The following RSPH3 variants were observed in gnomAD, a reference collection of about 807,000 sequenced individuals.
RSPH3 encodes the protein radial spoke head protein 3 homolog.
In RSPH3, 21 loss-of-function variants were observed where a neutral mutation model predicts 43.8. The observed-to-expected ratio is 0.48, with a 90% CI of 0.34 to 0.69. The LOEUF is 0.69. Ranked by LOEUF, RSPH3 falls within the 30% of genes least tolerant of loss-of-function variation. The pLI, the probability that RSPH3 is intolerant of heterozygous loss-of-function variation, is 0.01. For synonymous variants in RSPH3, 173 were observed against 179.8 expected, an observed-to-expected ratio of 0.96 and a Z score of 0.30; for missense variants, 487 against 516.0, an observed-to-expected ratio of 0.94 and a Z score of 0.54.
In RSPH3 at chr6:158,984,429, G is replaced by T. The variant is rs1026693203; in HGVS notation, c.347-622C>A. Among the ~76,000 whole-genome samples, 37 of 67,402 alleles carry T rather than the reference G, an allele frequency of 5.5e-4. 3 individuals are homozygous for T. Among genetic ancestry groups the T allele is most frequent in the African/African-American group, 3.0e-3 (37 of 12,272 alleles). 44.2% of individuals were successfully genotyped at this position (67,402 alleles called of 152,430 possible). A position where few individuals can be genotyped will look rare whatever the true frequency, so the allele number is the denominator to read the frequency against. ...TGCAGAGTACAACAGTGGATAAAAA[G>T]TCAATTATATATATATATATATATA... On this transcript the variant is annotated intron_variant, in intron 3 of 7. Transcript: ENST00000367069.
Position 158,973,833 on chromosome 6 carries a change from C to CT in RSPH3, c.*3704dup, listed in dbSNP as rs535516098. The CT allele has an allele frequency of 2.1e-3, 298 of 144,212 alleles. No individual in the cohort carries two copies. The highest frequency in any genetic ancestry group is 1.5e-3 in the Non-Finnish European group (101 of 65,376). 8.9% of individuals were successfully genotyped at this position (144,212 alleles called of 1,614,324 possible). On this transcript the variant is annotated 3_prime_UTR_variant, in exon 8 of 8. Coordinates refer to ENST00000367069, the MANE Select transcript of RSPH3 (RefSeq NM_031924.8). ...TAAGAATGACAATTTCTTTTTCTTT[C>CT]TTTTTTTTTTTTTTGAGACGGAGTC...
intron 2 of RSPH3, among the ~76,000 whole-genome samples, chr6:158,987,678 G>A (rs974959939): frequency 2.0e-5 from 3 of 152,092 alleles, no homozygotes; most frequent in African/African-American, 7.2e-5. Context: ...GATATAACAA[G>A]TTGTTTGCAG....
Position 158,999,798 on chromosome 6 carries a change from A to G in RSPH3, c.-248T>C, listed in dbSNP as rs1778795679. 3 of 1,612,552 alleles carry G rather than the reference A, an allele frequency of 1.9e-6. No individual in the cohort carries two copies. The highest frequency in any genetic ancestry group is 1.1e-5 in the South Asian group (1 of 90,954). On this transcript the variant is annotated 5_prime_UTR_variant, in exon 1 of 8. Coordinates refer to ENST00000367069, the MANE Select transcript of RSPH3 (RefSeq NM_031924.8). ...GGCCGCATCGGTTGCCCAGCAACCC[A>G]GGGTTCTGTCTGGGGGCGGGAACTC...
chr6:158,984,290 G>A (rs944300249), intron 3 of RSPH3, among the ~76,000 whole-genome samples: 2 of 151,276 alleles, frequency 1.3e-5, no homozygotes, highest in African/African-American at 4.9e-5. Flanking sequence ...TTAAATATTT[G>A]GAAGACCATA....
chr6:158,989,906 G>T lies in RSPH3; in HGVS notation c.205-3485C>A, dbSNP rs1367627488. 2.0e-5 allele frequency among the ~76,000 whole-genome samples: 3 copies of T among 152,306 alleles called. No individual in the cohort carries two copies. Among genetic ancestry groups the T allele is most frequent in the African/African-American group, 7.2e-5 (3 of 41,566 alleles). On this transcript the variant is annotated intron_variant, in intron 2 of 7. Coordinates refer to ENST00000367069, the MANE Select transcript of RSPH3 (RefSeq NM_031924.8). This position sits in a 1 kb window ranked among gnomAD's most constrained non-coding sequence, Gnocchi z 4.3. The stretch of plus-strand genomic sequence containing the variant: ...AAGAGACTATCATCTGAGTCAGTAG[G>T]CTGGGAAAGGCAGACCCACCCTTAA...
chr6:158,971,248 A>G (rs1777691384), downstream of RSPH3, among the ~76,000 whole-genome samples: 1 of 152,184 alleles, frequency 6.6e-6, no homozygotes, highest in Admixed American at 6.5e-5. Flanking sequence ...TCAAGTTAAA[A>G]TGCCATGAAG....
rs80030573 is a variant in RSPH3 at position 158,996,915 on chromosome 6, G to T, written c.116+2520C>A. 6.1e-4 allele frequency among the ~76,000 whole-genome samples: 93 copies of T among 152,246 alleles called. No homozygotes were observed. In the East Asian group the frequency reaches 0.015, roughly 25 times the overall value. ...GTGGGAGGTGTTTGGAACATGGGTG[G>T]ATCCCTCATGAATGGCTTGGCACCA... On this transcript the variant is annotated intron_variant, in intron 1 of 7. Coordinates refer to ENST00000367069, the MANE Select transcript of RSPH3 (RefSeq NM_031924.8).
At chr6:158,994,215 C>T (rs1365542348) in intron 1 of RSPH3, among the ~76,000 whole-genome samples, 2 of 152,138 alleles carry the variant, frequency 1.3e-5, no homozygotes, top group African/African-American at 2.4e-5. Flanking sequence ...TGCCAAAGGT[C>T]ACCTTGCTAG....
chr6:158,977,367 G>T lies in RSPH3; in HGVS notation c.*171C>A. 1.7e-6 allele frequency: 1 copy of T among 575,402 alleles called. No homozygotes were observed. Among genetic ancestry groups the T allele is most frequent in the Non-Finnish European group, 3.0e-6 (1 of 330,410 alleles). The allele number at this position is 575,402 out of a possible 1,614,324, so 35.6% of individuals were successfully genotyped here. A position where few individuals can be genotyped will look rare whatever the true frequency, so the allele number is the denominator to read the frequency against. ...TATTAAATAAATGAATTCAATTTAA[G>T]TTTCATTCTCAAATTAATTTTATCA... On this transcript the variant is annotated 3_prime_UTR_variant, in exon 8 of 8. Coordinates refer to ENST00000367069, the MANE Select transcript of RSPH3 (RefSeq NM_031924.8).
intron 2 of RSPH3, among the ~76,000 whole-genome samples, chr6:158,991,149 T>A (rs2128609494): frequency 6.6e-6 from 1 of 152,294 alleles, no homozygotes; most frequent in Middle Eastern, 3.4e-3. Context: ...ATTGAAACAT[T>A]TTTGATTGTT....
rs971407381 is a variant in RSPH3 at position 158,975,420 on chromosome 6, A to G, written c.*2118T>C. On this transcript the variant is annotated 3_prime_UTR_variant, in exon 8 of 8. Coordinates refer to ENST00000367069, the MANE Select transcript of RSPH3 (RefSeq NM_031924.8). ...AAGTTATTAGAAGAAAGTATACCAG[A>G]TTAGAAGTAAGGAGATTTGGATTCC... 6.6e-6 allele frequency: 1 copy of G among 152,198 alleles called. No homozygotes were observed. Among genetic ancestry groups the G allele is most frequent in the South Asian group, 2.1e-4 (1 of 4,832 alleles). 9.4% of individuals were successfully genotyped at this position (152,198 alleles called of 1,614,324 possible). A position where few individuals can be genotyped will look rare whatever the true frequency, so the allele number is the denominator to read the frequency against.
At chr6:158,984,744 A>C (rs1465208640) in intron 3 of RSPH3, among the ~76,000 whole-genome samples, 2 of 152,050 alleles carry the variant, frequency 1.3e-5, no homozygotes, top group East Asian at 3.9e-4. Context: ...CATTTGGAAA[A>C]TGGGCTATAA....
At chr6:158,980,239 C>T (rs1777986250) in intron 6 of RSPH3, among the ~76,000 whole-genome samples, 1 of 152,160 alleles carries the variant, frequency 6.6e-6, no homozygotes, top group African/African-American at 2.4e-5. Context: ...CCAGCCTGGC[C>T]AACATGGCGA....
At chr6:158,988,907 G>A (rs927095488) in intron 2 of RSPH3, among the ~76,000 whole-genome samples, 3 of 151,990 alleles carry the variant, frequency 2.0e-5, no homozygotes, top group African/African-American at 7.3e-5. Flanking sequence ...TCCTTGCTTT[G>A]TCCCTTTAAG....
chr6:158,977,820 C>T lies in RSPH3; in HGVS notation c.975G>A (p.Arg325=), dbSNP rs766972694. The part of the protein sequence containing the change: ...DMLIREVVEK[R]LCMYEHGEDT... ...CTTCCCCATGCTCATACATACACAGCCTCTTTTCAACCACCTCACGGATCA... is the reference window on the plus strand; with the variant it reads ...CTTCCCCATGCTCATACATACACAGTCTCTTTTCAACCACCTCACGGATCA... Residue 325 remains arginine, a synonymous_variant, in exon 8 of 8, where the codon AGG becomes AGA. Coordinates refer to ENST00000367069, the MANE Select transcript of RSPH3 (RefSeq NM_031924.8). The T allele has an allele frequency of 1.2e-6, 2 of 1,612,392 alleles. No individual in the cohort carries two copies. Among genetic ancestry groups the T allele is most frequent in the Non-Finnish European group, 8.5e-7 (1 of 1,179,514 alleles).
At position 158,976,613 on chromosome 6, in the gene RSPH3, A is replaced by G. The variant is rs1315907797; in HGVS notation, c.*925T>C. On this transcript the variant is annotated 3_prime_UTR_variant, in exon 8 of 8. Coordinates refer to ENST00000367069, the MANE Select transcript of RSPH3 (RefSeq NM_031924.8). ...ACAGTGATCTACCTTTGAGGAGGGG[A>G]GTGAGACTGTATGAGGGCAAACAGG... 6.6e-6 allele frequency: 1 copy of G among 152,160 alleles called. No homozygotes were observed. Among genetic ancestry groups the G allele is most frequent in the East Asian group, 1.9e-4 (1 of 5,192 alleles). 9.4% of individuals were successfully genotyped at this position (152,160 alleles called of 1,614,324 possible). A position where few individuals can be genotyped will look rare whatever the true frequency, so the allele number is the denominator to read the frequency against.
At chr6:158,981,625 A>G (rs1046847541) in intron 5 of RSPH3, among the ~76,000 whole-genome samples, 1 of 152,162 alleles carries the variant, frequency 6.6e-6, no homozygotes, top group Non-Finnish European at 1.5e-5. Flanking sequence ...CAGTTTTTTT[A>G]TATCTATAAA....
chr6:158,971,963 A>G (rs186445944), downstream of RSPH3, among the ~76,000 whole-genome samples: 478 of 152,218 alleles, frequency 3.1e-3, no homozygotes, highest in Non-Finnish European at 4.2e-3. Context: ...AAACTGTGCC[A>G]TATGAGGAAT....
In RSPH3 at chr6:158,983,752, T is replaced by C. The variant is rs770003709; in HGVS notation, c.402A>G (p.Gln134=). The change falls in exon 4 of 8, where the codon CAA becomes CAG. Residue 134 remains glutamine (Q), a synonymous_variant. Coordinates refer to ENST00000367069, the MANE Select transcript of RSPH3 (RefSeq NM_031924.8). ...GTGGTCTGTCCAAAAATGCATCTGT[T>C]TGGCATTCCATATCAACTTCTATTA... is the stretch of plus-strand genomic sequence containing the variant. ...DRIIEVDMEC[Q]TDAFLDRPPT... The C allele has an allele frequency of 8.1e-6, 13 of 1,608,428 alleles. No individual in the cohort carries two copies. The highest frequency in any genetic ancestry group is 1.0e-5 in the Non-Finnish European group (12 of 1,174,842).
Sources: allele counts gnomAD v4.1 joint callset (sites outside exome capture counted in the v4.1 genomes callset), GRCh38; gene constraint gnomAD v4.1.1; non-coding constraint Gnocchi (gnomAD v3.1); transcripts MANE v1.5; gene names NCBI Gene and HGNC (gene_info 2026-07-23, HGNC 2026-07-21).